Variants in GDPD2 observed in about 807,000 individuals in gnomAD.
The protein encoded by GDPD2 is glycerophosphodiester phosphodiesterase 3.
A neutral mutation model predicts 49.2 loss-of-function variants in GDPD2; 23 were observed. That is an observed-to-expected ratio of 0.47 (90% CI 0.34 to 0.66). The LOEUF (loss-of-function observed/expected upper bound fraction) is 0.66, where lower values mean the gene tolerates loss of function less well. GDPD2 is among the 30% of genes least tolerant of loss of function. The pLI is 0.01. For missense variants in GDPD2, 338 were observed against 424.7 expected (o/e 0.80, Z 1.79); for synonymous variants, 167 against 171.4 (o/e 0.97, Z 0.20).
intron 6 of GDPD2, 73 bp downstream of exon 6, chrX:70,426,542 G>C: frequency 6.6e-6 from 7 of 1,059,490 alleles, no homozygotes; most frequent in Non-Finnish European, 9.2e-6. Flanking sequence ...TCTCGCTCCT[G>C]TTCCCCCAAG....
intron 10 of GDPD2, chrX:70,427,789 G>A: frequency 5.9e-6 from 1 of 170,879 alleles, no homozygotes. Flanking sequence ...TCTGAAAAAG[G>A]GTGTTTCCAG....
At chrX:70,425,185 G>T in intron 2 of GDPD2, 96 bp downstream of exon 2, 1 of 680,635 alleles carries the variant, frequency 1.5e-6, no homozygotes, top group Non-Finnish European at 2.3e-6. Context: ...CAGCTTGGGG[G>T]AAGGGGCTCT....
intron 10 of GDPD2, chrX:70,427,973 T>C (rs1311987686): frequency 8.9e-6 from 1 of 112,540 alleles, no homozygotes; most frequent in African/African-American, 3.2e-5. Flanking sequence ...CTTCCCCTGA[T>C]TGTAAAAGTA....
chrX:70,425,697 A>G, intron 3 of GDPD2, 66 bp from the exon 4 acceptor site: 1 of 383,034 alleles, frequency 2.6e-6, no homozygotes, highest in Non-Finnish European at 4.6e-6. Flanking sequence ...CACCCACCCC[A>G]CCTCCCCTCA....
At chrX:70,426,302 G>T in intron 5 of GDPD2, 69 bp from the exon 6 acceptor site, 1 of 961,622 alleles carries the variant, frequency 1.0e-6, no homozygotes. Flanking sequence ...TCTCTATAGA[G>T]TGAAGGAGCA....
Position 70,432,372 on chromosome X carries a change from T to A in GDPD2, c.1373T>A (p.Leu458Gln). The change falls in exon 13 of 16, where the codon CTG (leucine) becomes CAG (glutamine). Residue 458 changes from leucine to glutamine, a missense_variant. Physicochemically the swap from Leu to Gln is moderately radical, Grantham distance 113. This residue lies in a region of GDPD2 where 253 missense variants were observed against 330.4 expected (regional missense o/e 0.77). Coordinates refer to ENST00000374382, the MANE Select transcript of GDPD2 (RefSeq NM_017711.4). ...GTGAACAAGCCCTGGCTCTTCTCTC[T>A]GCTTTGGTGTGCAGGGGTGGATTCG... ...FVVNKPWLFS[L>Q]LWCAGVDSVT... 1 of 1,208,372 alleles carries A rather than the reference T, an allele frequency of 8.3e-7. No individual in the cohort carries two copies.
At chrX:70,432,156 A>G in intron 12 of GDPD2, 151 bp from the exon 13 acceptor site, 1 of 491,341 alleles carries the variant, frequency 2.0e-6, no homozygotes, top group Non-Finnish European at 3.5e-6. Flanking sequence ...ATGAAAGGAA[A>G]ATCATTGTTG....
chrX:70,426,654 G>A lies in GDPD2; in HGVS notation c.469G>A (p.Ala157Thr). Residue 157 changes from alanine (A) to threonine (T), a missense_variant, in exon 7 of 16, where the codon GCC becomes ACC. Physicochemically the swap from Ala to Thr is moderately conservative, Grantham distance 58 (BLOSUM62 0). Coordinates refer to ENST00000374382, the MANE Select transcript of GDPD2 (RefSeq NM_017711.4). The part of the protein sequence containing the change: ...HSLRVSLQAT[A>T]PFLHIGAAAG... ...CACCAGCTCTTGTCCACAGGCCACA[G>A]CCCCATTCCTTCATATTGGAGCAGC... 1 of 1,203,514 alleles carries A rather than the reference G, an allele frequency of 8.3e-7. No individual in the cohort carries two copies. The highest frequency in any genetic ancestry group is 2.2e-5 in the Admixed American group (1 of 45,783).
In GDPD2 at chrX:70,432,608, C is replaced by A; in HGVS notation, c.1485C>A (p.Val495=). ...ITPQTYLIIW[V]ITNCVSTMLL... is the part of the protein sequence containing the mutation. Reference sequence around the variant, plus strand: ...CTCAAACCTACCTAATCATATGGGTCATTACCAATTGTGTTTCCACCATGC... The same window carrying A: ...CTCAAACCTACCTAATCATATGGGTAATTACCAATTGTGTTTCCACCATGC... The change falls in exon 14 of 16, where the codon GTC becomes GTA. Residue 495 remains valine (V), a synonymous_variant. Coordinates refer to ENST00000374382, the MANE Select transcript of GDPD2 (RefSeq NM_017711.4). 1 of 1,204,676 alleles carries A rather than the reference C, an allele frequency of 8.3e-7. No homozygotes were observed. The highest frequency in any genetic ancestry group is 1.1e-6 in the Non-Finnish European group (1 of 889,118).
At chrX:70,428,865 G>T (rs2086449657) in intron 10 of GDPD2, among the ~76,000 whole-genome samples, 1 of 112,376 alleles carries the variant, frequency 8.9e-6, no homozygotes, top group African/African-American at 3.2e-5. Flanking sequence ...AGGAAGTGAG[G>T]TCATTCATTG....
At chrX:70,425,231 A>G in intron 2 of GDPD2, 123 bp from the exon 3 acceptor site, 1 of 657,372 alleles carries the variant, frequency 1.5e-6, no homozygotes. Context: ...AAATATGGAA[A>G]GAGCTGCCCC....
chrX:70,426,325 T>G, intron 5 of GDPD2, 46 bp from the exon 6 acceptor site: 84 of 1,108,683 alleles, frequency 7.6e-5, no homozygotes, highest in Non-Finnish European at 1.0e-4. Flanking sequence ...TCACCAACCA[T>G]GAGCCCAAAT....
rs746779833 is a variant in GDPD2, at chrX:70,425,021, C to T, written c.37C>T (p.Arg13Cys). The change falls in exon 2 of 16, where the codon CGC (arginine) becomes TGC (cysteine). Residue 13 changes from arginine to cysteine, a missense_variant. Physicochemically the swap from Arg to Cys is radical, Grantham distance 180 (BLOSUM62 -3). This residue lies in a region of GDPD2 where 75 missense variants were observed against 67.6 expected (regional missense o/e 1.11). Coordinates refer to ENST00000374382, the MANE Select transcript of GDPD2 (RefSeq NM_017711.4). ...CCCCGGCTGCTGCTCCGTCTGGGCC[C>T]GCTGCCTCCACTGCCTGTATAGCTG... ...ESPGCCSVWARCLHCLYSCHW... is the reference protein window; with the variant it reads ...ESPGCCSVWACCLHCLYSCHW... The T allele has an allele frequency of 2.5e-6, 3 of 1,200,188 alleles. No homozygotes were observed. The highest frequency in any genetic ancestry group is 1.1e-6 in the Non-Finnish European group (1 of 889,594).
intron 8 of GDPD2, 61 bp from the exon 9 acceptor site, chrX:70,427,076 G>T: frequency 9.3e-6 from 11 of 1,179,830 alleles, no homozygotes; most frequent in Non-Finnish European, 1.3e-5. Flanking sequence ...TAGCGACCAG[G>T]CCTGTGGGTT....
intron 10 of GDPD2, among the ~76,000 whole-genome samples, chrX:70,429,116 G>A (rs1248854500): frequency 8.9e-6 from 1 of 111,792 alleles, no homozygotes; most frequent in East Asian, 2.8e-4. Context: ...AGGGCAAGTG[G>A]GACAGAAAGG....
chrX:70,428,270 T>G (rs1167656486), intron 10 of GDPD2, among the ~76,000 whole-genome samples: 1 of 112,434 alleles, frequency 8.9e-6, no homozygotes, highest in Non-Finnish European at 1.9e-5. Context: ...ATACATCACA[T>G]GAGATATTCA....
intron 10 of GDPD2, chrX:70,427,721 G>A: frequency 3.5e-6 from 1 of 285,427 alleles, no homozygotes. Context: ...CTTCTAAGAT[G>A]CACAAAGCAG....
At chrX:70,426,571 C>A (rs1323911026) in intron 6 of GDPD2, 77 bp from the exon 7 acceptor site, 2 of 1,028,214 alleles carry the variant, frequency 1.9e-6, no homozygotes, top group Non-Finnish European at 2.7e-6. Context: ...TAGCTCTGAA[C>A]TCCAGCAGTC....
intron 13 of GDPD2, 45 bp downstream of exon 13, chrX:70,432,499 G>C (rs1467022150): frequency 2.5e-6 from 3 of 1,182,067 alleles, no homozygotes; most frequent in Middle Eastern, 2.3e-4. Flanking sequence ...CCCATCCCTG[G>C]TTTTCCTTAA....
Sources: gnomAD v4.1 joint callset for allele counts (sites outside exome capture counted in the v4.1 genomes callset) on GRCh38, gnomAD v4.1.1 for gene constraint, gnomAD v4.1.1 regional missense constraint, MANE v1.5 for transcripts, NCBI Gene and HGNC (gene_info 2026-07-23, HGNC 2026-07-21) for gene names.